CNTN4: variants seen among roughly 807,000 people sequenced by gnomAD.
CNTN4 encodes contactin 4.
CNTN4 carries 77 observed loss-of-function variants against 122.5 expected under a neutral mutation model. That is an observed-to-expected ratio of 0.63 (90% CI 0.52 to 0.76). CNTN4 has a LOEUF of 0.76. CNTN4 is among the 30% of genes least tolerant of loss of function. The pLI, the probability that CNTN4 is intolerant of heterozygous loss-of-function variation, is 0.00. For missense variants in CNTN4, 1,256 were observed against 1,259.1 expected, an observed-to-expected ratio of 1.00 and a Z score of 0.04; for synonymous variants, 512 against 447.0, an observed-to-expected ratio of 1.15 and a Z score of -1.83.
intron 3 of CNTN4, among the ~76,000 whole-genome samples, chr3:2,446,424 A>G (rs184616163): frequency 2.2e-4 from 34 of 152,298 alleles, no homozygotes; most frequent in African/African-American, 7.9e-4. Context: ...TATAGCCTCC[A>G]GAGTTTTAGA....
chr3:2,848,581 A>G (rs2093494883), intron 7 of CNTN4, among the ~76,000 whole-genome samples: 1 of 152,232 alleles, frequency 6.6e-6, no homozygotes, highest in South Asian at 2.1e-4. Context: ...TTAAATAAAC[A>G]CGGGAATTTT....
At chr3:2,452,547 C>T (rs900458819) in intron 3 of CNTN4, among the ~76,000 whole-genome samples, 38 of 152,218 alleles carry the variant, frequency 2.5e-4, no homozygotes, top group African/African-American at 8.7e-4. Flanking sequence ...TCATTGTCCC[C>T]GAGGCCATAA....
chr3:2,287,480 T>C (rs2041943723), intron 2 of CNTN4, among the ~76,000 whole-genome samples: 1 of 151,666 alleles, frequency 6.6e-6, no homozygotes, highest in South Asian at 2.1e-4. Context: ...TGCACACCTG[T>C]AGTCCCAGCT....
intron 3 of CNTN4, among the ~76,000 whole-genome samples, chr3:2,514,440 C>T (rs1336404328): frequency 6.6e-6 from 1 of 151,306 alleles, no homozygotes; most frequent in Non-Finnish European, 1.5e-5. Context: ...GAGTTTGAGG[C>T]CAGCCTGGGT....
chr3:2,390,642 C>T (rs1480534015), intron 3 of CNTN4, among the ~76,000 whole-genome samples: 2 of 152,154 alleles, frequency 1.3e-5, no homozygotes, highest in Non-Finnish European at 2.9e-5. Context: ...TAAATATTTT[C>T]TATACAGCTA....
At chr3:2,623,399 C>T (rs2082066356) in intron 4 of CNTN4, among the ~76,000 whole-genome samples, 1 of 151,972 alleles carries the variant, frequency 6.6e-6, no homozygotes, top group African/African-American at 2.4e-5. Flanking sequence ...TGGTGGTAGG[C>T]GATTAATCCT....
intron 7 of CNTN4, among the ~76,000 whole-genome samples, chr3:2,835,288 G>A (rs943249994): frequency 1.3e-5 from 2 of 152,078 alleles, no homozygotes; most frequent in African/African-American, 4.8e-5. Context: ...ATGAAACATA[G>A]AGTCATAGTA....
chr3:3,038,781 GGGCCCCTT>G lies in CNTN4; in HGVS notation c.2093-150_2093-143del. ...TTTCACTTCCTCGAGCGGTCGCCGTGGGCCCCTTGACAATGCTGTTGCTGATCTCCAGA... is the reference window on the plus strand; with the variant it reads ...TTTCACTTCCTCGAGCGGTCGCCGTGGACAATGCTGTTGCTGATCTCCAGA... On this transcript the variant is annotated intron_variant, in intron 18 of 24. Coordinates refer to ENST00000418658, the MANE Select transcript of CNTN4 (RefSeq NM_175607.3). The G allele has an allele frequency of 5.7e-6, 3 of 529,974 alleles. 1 individual carries two copies. The highest frequency in any genetic ancestry group is 5.7e-5 in the South Asian group (2 of 35,004). The allele number at this position is 529,974 out of a possible 1,614,324, so 32.8% of individuals were successfully genotyped here.
chr3:2,604,666 T>G (rs1427863985), intron 4 of CNTN4, among the ~76,000 whole-genome samples: 1 of 152,156 alleles, frequency 6.6e-6, no homozygotes, highest in African/African-American at 2.4e-5. Flanking sequence ...GCTAGGCATT[T>G]TTTAAACTAC....
chr3:3,007,836 A>G (rs13088151), intron 14 of CNTN4, among the ~76,000 whole-genome samples: 28,164 of 152,184 alleles, frequency 0.19, 3,013 homozygotes, highest in Middle Eastern at 0.32. Context: ...ATAATCTTTT[A>G]TCCCAATTAG....
chr3:2,111,456 TAAGAA>T (rs2032949729), intron 2 of CNTN4, among the ~76,000 whole-genome samples: 1 of 152,154 alleles, frequency 6.6e-6, no homozygotes, highest in African/African-American at 2.4e-5. Flanking sequence ...GGTAAACTCT[TAAGAA>T]AAGAAACATA....
chr3:2,714,980 A>G lies in CNTN4; in HGVS notation c.56-21235A>G, dbSNP rs139823786. Among the ~76,000 whole-genome samples the G allele has an allele frequency of 9.2e-3, 1,394 of 152,296 alleles. 12 individuals are homozygous for G. The highest frequency in any genetic ancestry group is 0.032 in the African/African-American group (1,325 of 41,562). ...CTATCTTGCTTTATCTGAGATATTCAAGTGCTTTTAAGATCTTTATCAACT... is the reference window on the plus strand; with the variant it reads ...CTATCTTGCTTTATCTGAGATATTCGAGTGCTTTTAAGATCTTTATCAACT... On this transcript the variant is annotated intron_variant, in intron 4 of 24. Coordinates refer to ENST00000418658, the MANE Select transcript of CNTN4 (RefSeq NM_175607.3).
At chr3:2,563,321 C>A (rs1007832540) in intron 3 of CNTN4, among the ~76,000 whole-genome samples, 4 of 152,094 alleles carry the variant, frequency 2.6e-5, no homozygotes, top group Middle Eastern at 3.2e-3. Context: ...CAGGGAAAAT[C>A]AGAGAAAGTT....
chr3:2,336,952 T>G (rs984455353), intron 2 of CNTN4, among the ~76,000 whole-genome samples: 3 of 152,172 alleles, frequency 2.0e-5, no homozygotes, highest in Non-Finnish European at 4.4e-5. Flanking sequence ...GTTGACTTAA[T>G]GTGGGTCAAG....
At chr3:2,319,246 A>C (rs2150197728) in intron 2 of CNTN4, among the ~76,000 whole-genome samples, 1 of 152,268 alleles carries the variant, frequency 6.6e-6, no homozygotes, top group African/African-American at 2.4e-5. Flanking sequence ...ACATAAGATA[A>C]ATATTACAGT....
At chr3:2,327,295 A>T (rs376779027) in intron 2 of CNTN4, among the ~76,000 whole-genome samples, 1 of 152,214 alleles carries the variant, frequency 6.6e-6, no homozygotes, top group Non-Finnish European at 1.5e-5. Context: ...AAATTAGTCA[A>T]GAAATCAATC....
chr3:2,148,726 T>A (rs1270139712), intron 2 of CNTN4, among the ~76,000 whole-genome samples: 1 of 152,132 alleles, frequency 6.6e-6, no homozygotes, highest in Non-Finnish European at 1.5e-5. Flanking sequence ...TCGGTGAATG[T>A]TAATGCGTCC....
At chr3:2,441,221 T>C (rs2048427509) in intron 3 of CNTN4, among the ~76,000 whole-genome samples, 1 of 152,136 alleles carries the variant, frequency 6.6e-6, no homozygotes, top group Admixed American at 6.6e-5. Flanking sequence ...AGTGAAAACA[T>C]TTGGAAAAAT....
intron 3 of CNTN4, among the ~76,000 whole-genome samples, chr3:2,547,330 C>T (rs189812960): frequency 1.3e-3 from 198 of 152,078 alleles, no homozygotes; most frequent in Non-Finnish European, 2.4e-3. Context: ...ATGGCACGAT[C>T]TCTGCACACT....
Sources: allele counts gnomAD v4.1 joint callset (sites outside exome capture counted in the v4.1 genomes callset), GRCh38; gene constraint gnomAD v4.1.1; transcripts MANE v1.5; gene names NCBI Gene and HGNC (gene_info 2026-07-23, HGNC 2026-07-21).